The following PLCH1 variants were observed in gnomAD, a reference collection of about 807,000 sequenced individuals.
PLCH1 encodes 1-phosphatidylinositol 4,5-bisphosphate phosphodiesterase eta-1.
A neutral mutation model predicts 126.7 loss-of-function variants in PLCH1; 60 were observed. The observed-to-expected ratio is 0.47, with a 90% CI of 0.38 to 0.59. The LOEUF is 0.59. Ranked by LOEUF, PLCH1 falls within the 20% of genes least tolerant of loss-of-function variation. PLCH1 has a pLI of 0.00. For missense variants in PLCH1, 1,723 were observed against 2,040.0 expected, an observed-to-expected ratio of 0.84 and a Z score of 2.99; for synonymous variants, 719 against 734.9, an observed-to-expected ratio of 0.98 and a Z score of 0.35.
intron 2 of PLCH1, among the ~76,000 whole-genome samples, chr3:155,616,438 G>T (rs1031322402): frequency 6.6e-6 from 1 of 152,166 alleles, no homozygotes; most frequent in Non-Finnish European, 1.5e-5. Flanking sequence ...CTGATGCAGG[G>T]CCAGAACCTG....
At chr3:155,467,335 C>T (rs7621710) in intron 21 of PLCH1, among the ~76,000 whole-genome samples, 43 of 151,772 alleles carry the variant, frequency 2.8e-4, no homozygotes, top group Middle Eastern at 3.4e-3. Flanking sequence ...GCACTTTGGA[C>T]GGCTAAGGTG....
chr3:155,612,747 A>G (rs1040517676), intron 2 of PLCH1, among the ~76,000 whole-genome samples: 4 of 150,692 alleles, frequency 2.7e-5, no homozygotes, highest in African/African-American at 9.7e-5. Flanking sequence ...CGTCTCTACT[A>G]AAAATACAAA....
intron 15 of PLCH1, among the ~76,000 whole-genome samples, chr3:155,496,274 T>A (rs1304967218): frequency 6.6e-6 from 1 of 152,184 alleles, no homozygotes; most frequent in East Asian, 1.9e-4. Flanking sequence ...TATTGGAAAT[T>A]TTTATTCCCT....
chr3:155,477,752 G>A (rs1297000911), downstream of PLCH1, among the ~76,000 whole-genome samples: 1 of 152,136 alleles, frequency 6.6e-6, no homozygotes, highest in Non-Finnish European at 1.5e-5. Flanking sequence ...AAAATCAAAT[G>A]CTGATGAGGA....
intron 10 of PLCH1, among the ~76,000 whole-genome samples, chr3:155,536,854 T>C (rs1723421593): frequency 6.6e-6 from 1 of 152,010 alleles, no homozygotes; most frequent in South Asian, 2.1e-4. Flanking sequence ...AAAAAGATCA[T>C]CACCTAGACA....
At chr3:155,706,076 AG>A (rs1746638431) in intron 1 of PLCH1, among the ~76,000 whole-genome samples, 1 of 150,450 alleles carries the variant, frequency 6.6e-6, no homozygotes, top group East Asian at 2.0e-4. Flanking sequence ...CGGGAGGCTA[AG>A]GCAGGAGAAT....
At chr3:155,658,939 C>T (rs996693081) in intron 2 of PLCH1, among the ~76,000 whole-genome samples, 2 of 152,198 alleles carry the variant, frequency 1.3e-5, no homozygotes, top group Non-Finnish European at 2.9e-5. Context: ...ACTTAGAAAA[C>T]GTAATTATCC....
At chr3:155,657,455 C>T (rs75257158) in intron 2 of PLCH1, among the ~76,000 whole-genome samples, 180 of 152,144 alleles carry the variant, frequency 1.2e-3, no homozygotes, top group Non-Finnish European at 2.1e-3. Context: ...AGAAGAGCTC[C>T]GGAGATAGAT....
At chr3:155,554,395 G>A (rs1343606264) in intron 8 of PLCH1, among the ~76,000 whole-genome samples, 199 bp from the exon 9 acceptor site, 1 of 152,252 alleles carries the variant, frequency 6.6e-6, no homozygotes, top group Admixed American at 6.5e-5. Flanking sequence ...TTTTCCTCAA[G>A]ACACAATGAT....
At chr3:155,533,781 C>T (rs1446594473) in intron 10 of PLCH1, among the ~76,000 whole-genome samples, 1 of 152,190 alleles carries the variant, frequency 6.6e-6, no homozygotes, top group Non-Finnish European at 1.5e-5. Flanking sequence ...CTCTGTGCAG[C>T]CTTGGGACTT....
chr3:155,455,329 T>C (rs536531855), intron 21 of PLCH1, among the ~76,000 whole-genome samples: 2 of 152,292 alleles, frequency 1.3e-5, no homozygotes, highest in South Asian at 4.1e-4. Flanking sequence ...AGATGCTGTC[T>C]TGTCCCCAAG....
At chr3:155,727,631 G>T (rs971840055) in intron 1 of PLCH1, among the ~76,000 whole-genome samples, 1 of 151,890 alleles carries the variant, frequency 6.6e-6, no homozygotes, top group Non-Finnish European at 1.5e-5. Flanking sequence ...CAAGTGATCC[G>T]CCCGTCTCGG....
intron 21 of PLCH1, among the ~76,000 whole-genome samples, chr3:155,469,612 C>T (rs1357906784): frequency 6.6e-6 from 1 of 152,106 alleles, no homozygotes; most frequent in Non-Finnish European, 1.5e-5. Flanking sequence ...TAGGCTCCAC[C>T]TCTGGGGGCA....
chr3:155,558,867 G>A (rs536020816), intron 8 of PLCH1, among the ~76,000 whole-genome samples: 70 of 152,242 alleles, frequency 4.6e-4, no homozygotes, highest in African/African-American at 1.7e-3. Context: ...AGCTTCAAAT[G>A]TGGACTAAGG....
intron 1 of PLCH1, among the ~76,000 whole-genome samples, chr3:155,711,631 G>T (rs1747131433): frequency 6.6e-6 from 1 of 152,110 alleles, no homozygotes; most frequent in Admixed American, 6.5e-5. Flanking sequence ...TTTCCTCTGG[G>T]AAAATCCTTC....
chr3:155,705,949 A>T (rs1384378609), intron 1 of PLCH1, among the ~76,000 whole-genome samples: 1 of 137,644 alleles, frequency 7.3e-6, no homozygotes, highest in Non-Finnish European at 1.6e-5. Context: ...GCCAAGGCGG[A>T]TGGATCACGA....
intron 6 of PLCH1, among the ~76,000 whole-genome samples, chr3:155,572,161 T>C (rs1402968135): frequency 6.6e-6 from 1 of 152,216 alleles, no homozygotes; most frequent in Non-Finnish European, 1.5e-5. Flanking sequence ...GTTCTGGAAC[T>C]GTATTCAGCT....
chr3:155,726,120 C>T (rs1176531915), intron 1 of PLCH1, among the ~76,000 whole-genome samples: 2 of 152,170 alleles, frequency 1.3e-5, no homozygotes, highest in African/African-American at 4.8e-5. Context: ...GTTACTAGTT[C>T]CCACTGAATA....
At chr3:155,598,539 A>C (rs1242161231) in intron 2 of PLCH1, among the ~76,000 whole-genome samples, 2 of 152,216 alleles carry the variant, frequency 1.3e-5, no homozygotes, top group East Asian at 3.9e-4. Context: ...TGAAGCAAAG[A>C]ACAAGGAGAC....
Sources: allele counts gnomAD v4.1 joint callset (sites outside exome capture counted in the v4.1 genomes callset), GRCh38; gene constraint gnomAD v4.1.1; transcripts MANE v1.5; gene names NCBI Gene and HGNC (gene_info 2026-07-23, HGNC 2026-07-21).